Variants in FGF10 observed in about 807,000 individuals in gnomAD.
FGF10 encodes fibroblast growth factor 10.
FGF10 carries 2 observed loss-of-function variants against 19.8 expected under a neutral mutation model. The observed-to-expected ratio is 0.10, with a 90% CI of 0.04 to 0.32. FGF10 has a LOEUF of 0.32. FGF10 is among the 10% of genes least tolerant of loss of function. FGF10 has a pLI of 1.00. For synonymous variants in FGF10, 112 were observed against 94.0 expected, an observed-to-expected ratio of 1.19 and a Z score of -1.10; for missense variants, 191 against 246.3, an observed-to-expected ratio of 0.78 and a Z score of 1.50.
chr5:44,388,777 G>A lies in FGF10; in HGVS notation c.-95C>T, dbSNP rs1742172865. ...CAAGGCAAGGAGAGAGCTCGAGGTGGTGGCTGCTGGTTAGCTCCCTCTGGG... is the reference window on the plus strand; with the variant it reads ...CAAGGCAAGGAGAGAGCTCGAGGTGATGGCTGCTGGTTAGCTCCCTCTGGG... On this transcript the variant is annotated 5_prime_UTR_variant, in exon 1 of 3. Transcript: ENST00000264664. The A allele has an allele frequency of 1.4e-5, 18 of 1,294,512 alleles. No individual in the cohort carries two copies. The highest frequency in any genetic ancestry group is 1.9e-5 in the Non-Finnish European group (17 of 905,520). 80.2% of individuals were successfully genotyped at this position (1,294,512 alleles called of 1,614,324 possible).
intron 1 of FGF10, among the ~76,000 whole-genome samples, chr5:44,348,578 A>G (rs893956745): frequency 6.6e-6 from 1 of 151,490 alleles, no homozygotes; most frequent in African/African-American, 2.4e-5. Flanking sequence ...CAGCCTTCCC[A>G]TTATCTCTAG....
chr5:44,367,361 A>T (rs1741641894), intron 1 of FGF10, among the ~76,000 whole-genome samples: 1 of 152,048 alleles, frequency 6.6e-6, no homozygotes, highest in South Asian at 2.1e-4. Flanking sequence ...GAAAGCACAG[A>T]ATACTCTATG....
intron 2 of FGF10, among the ~76,000 whole-genome samples, chr5:44,309,561 G>A (rs1342937984): frequency 6.6e-6 from 1 of 152,012 alleles, no homozygotes; most frequent in Non-Finnish European, 1.5e-5. Flanking sequence ...ATGCATCTTT[G>A]ATATGTCAAA....
intron 1 of FGF10, among the ~76,000 whole-genome samples, chr5:44,311,320 T>C (rs925135311): frequency 2.0e-5 from 3 of 152,064 alleles, no homozygotes; most frequent in Non-Finnish European, 4.4e-5. Context: ...AATAGGGAAG[T>C]CAGTTTATCG....
chr5:44,341,123 AG>A (rs1311410480), intron 1 of FGF10, among the ~76,000 whole-genome samples: 2 of 152,020 alleles, frequency 1.3e-5, no homozygotes, highest in African/African-American at 4.8e-5. Flanking sequence ...TTTGCATATG[AG>A]TTCTAGGTGA....
At chr5:44,364,709 T>G (rs867345933) in intron 1 of FGF10, among the ~76,000 whole-genome samples, 1 of 151,974 alleles carries the variant, frequency 6.6e-6, no homozygotes, top group South Asian at 2.1e-4. Flanking sequence ...ATATGCTACC[T>G]AATTGATGGC....
chr5:44,301,906 T>C lies in FGF10; in HGVS notation c.*3089A>G, dbSNP rs1435456627. On this transcript the variant is annotated 3_prime_UTR_variant, in exon 3 of 3. Coordinates refer to ENST00000264664, the MANE Select transcript of FGF10 (RefSeq NM_004465.2). ...TTGTTTTTATTTAAATGTAACATAC[T>C]ATACACTGTTCAGCCTTTTGCGAGT... 6.6e-6 allele frequency among the ~76,000 whole-genome samples: 1 copy of C among 152,126 alleles called. No individual in the cohort carries two copies. The highest frequency in any genetic ancestry group is 1.5e-5 in the Non-Finnish European group (1 of 68,020).
chr5:44,306,507 A>G (rs1740079642), intron 2 of FGF10, among the ~76,000 whole-genome samples: 2 of 147,412 alleles, frequency 1.4e-5, no homozygotes, highest in African/African-American at 4.9e-5. Context: ...CTCTGGTTCT[A>G]TCTTCTTCAT....
At chr5:44,351,567 A>T (rs79681357) in intron 1 of FGF10, among the ~76,000 whole-genome samples, 1,998 of 151,774 alleles carry the variant, frequency 0.013, 84 homozygotes, top group East Asian at 0.12. Context: ...AAACAAAGAA[A>T]CATGCTACTC....
At chr5:44,314,513 G>A (rs886658772) in intron 1 of FGF10, among the ~76,000 whole-genome samples, 1 of 152,066 alleles carries the variant, frequency 6.6e-6, no homozygotes, top group African/African-American at 2.4e-5. Flanking sequence ...CTTTGCGAAT[G>A]TTCCCTCATG....
At position 44,388,662 on chromosome 5, in the gene FGF10, T is replaced by C. The variant is rs758481605; in HGVS notation, c.21A>G (p.Thr7=). 2 of 1,613,918 alleles carry C rather than the reference T, an allele frequency of 1.2e-6. No individual in the cohort carries two copies. The highest frequency in any genetic ancestry group is 1.7e-6 in the Non-Finnish European group (2 of 1,179,980). ...GGTGGGGAAAGGCTGAGGCACAATG[T>C]GTCAGTATCCATTTCCACATTGTAC... MWKWIL[T]HCASAFPHLP... Residue 7 remains threonine, a synonymous_variant, in exon 1 of 3, where the codon ACA becomes ACG. Transcript: ENST00000264664.
At chr5:44,336,479 T>A (rs1354383662) in intron 1 of FGF10, among the ~76,000 whole-genome samples, 3 of 152,204 alleles carry the variant, frequency 2.0e-5, no homozygotes, top group African/African-American at 7.2e-5. Context: ...TTTGTTGTAA[T>A]CATATCACTT....
chr5:44,371,136 G>A (rs1268170393), intron 1 of FGF10, among the ~76,000 whole-genome samples: 1 of 152,106 alleles, frequency 6.6e-6, no homozygotes, highest in Non-Finnish European at 1.5e-5. Flanking sequence ...CTGCCCTCAT[G>A]ATTGGATTAA....
intron 1 of FGF10, among the ~76,000 whole-genome samples, chr5:44,387,372 C>T (rs1742126374): frequency 6.6e-6 from 1 of 151,994 alleles, no homozygotes; most frequent in African/African-American, 2.4e-5. Flanking sequence ...AAAGGCAAGA[C>T]CAAAATGTAG....
At chr5:44,377,205 T>C (rs1741886891) in intron 1 of FGF10, among the ~76,000 whole-genome samples, 1 of 152,244 alleles carries the variant, frequency 6.6e-6, no homozygotes, top group Admixed American at 6.5e-5. Flanking sequence ...CCTGATGTCA[T>C]GCATCTCTCC....
At chr5:44,387,032 A>G (rs552277290) in intron 1 of FGF10, among the ~76,000 whole-genome samples, 3 of 152,344 alleles carry the variant, frequency 2.0e-5, no homozygotes, top group South Asian at 2.1e-4. Flanking sequence ...AACTAACACA[A>G]AAATGTCCCC....
chr5:44,342,632 A>G (rs1740996013), intron 1 of FGF10, among the ~76,000 whole-genome samples: 1 of 151,896 alleles, frequency 6.6e-6, no homozygotes, highest in African/African-American at 2.4e-5. Flanking sequence ...CCTTACATAA[A>G]GGGAATGAAA....
intron 1 of FGF10, among the ~76,000 whole-genome samples, chr5:44,365,960 G>T (rs935912299): frequency 6.6e-6 from 1 of 151,584 alleles, no homozygotes; most frequent in Non-Finnish European, 1.5e-5. Flanking sequence ...ATTTCTGGGC[G>T]CATAAAATTA....
chr5:44,379,752 C>T (rs898188492), intron 1 of FGF10, among the ~76,000 whole-genome samples: 4 of 152,172 alleles, frequency 2.6e-5, no homozygotes, highest in African/African-American at 9.7e-5. Context: ...TCAGCCCTTT[C>T]GCAGTGCTAC....
Sources: gnomAD v4.1 joint callset for allele counts (sites outside exome capture counted in the v4.1 genomes callset) on GRCh38, gnomAD v4.1.1 for gene constraint, MANE v1.5 for transcripts, NCBI Gene and HGNC (gene_info 2026-07-23, HGNC 2026-07-21) for gene names.